The following PHF8 variants were observed in gnomAD, a reference collection of about 807,000 sequenced individuals.
PHF8 encodes the protein PHD finger protein 8.
PHF8 carries 9 observed loss-of-function variants against 74.4 expected under a neutral mutation model. The ratio of observed to expected loss-of-function variants is 0.12; its 90% CI spans 0.07 to 0.21. The LOEUF is 0.21. Ranked by LOEUF, PHF8 falls within the 10% of genes least tolerant of loss-of-function variation. The probability of loss-of-function intolerance (pLI) is 1.00; values close to 1 mark genes in which losing one functional copy is unlikely to be tolerated. For missense variants in PHF8, 478 were observed against 816.6 expected (o/e 0.59, Z 5.05); for synonymous variants, 311 against 316.6 (o/e 0.98, Z 0.19).
intron 2 of PHF8, among the ~76,000 whole-genome samples, 199 bp from the exon 3 acceptor site, chrX:54,023,042 C>T (rs1252624849): frequency 1.8e-5 from 2 of 112,224 alleles, no homozygotes; most frequent in African/African-American, 6.5e-5. Context: ...GTGGTGTGAT[C>T]ATGGCTCACT....
intron 1 of PHF8, chrX:54,043,159 T>C (rs1324807092): frequency 1.3e-6 from 1 of 778,200 alleles, no homozygotes; most frequent in Non-Finnish European, 1.5e-6. Flanking sequence ...AACCCTCCCC[T>C]AGCTGACCCC....
rs374264923 is a variant in PHF8, at chrX:53,939,171, T to C, written c.3062A>G (p.Lys1021Arg). 3 of 1,205,718 alleles carry C rather than the reference T, an allele frequency of 2.5e-6. No homozygotes were observed. The highest frequency in any genetic ancestry group is 3.4e-6 in the Non-Finnish European group (3 of 892,057). Residue 1021 changes from lysine to arginine, a missense_variant, in exon 22 of 22, where the codon AAA (lysine) becomes AGA (arginine). By Grantham distance (26) the Lys-to-Arg change is conservative. Coordinates refer to ENST00000338154, the MANE Select transcript of PHF8 (RefSeq NM_015107.3). The part of the protein sequence containing the change: ...GRILKIHRNG[K>R]LLL The stretch of plus-strand genomic sequence containing the variant: ...ACACAGGAGGGCTCACAGAAGTAGT[T>C]TGCCATTTCTGTGGATTTTCAGGAT...
chrX:54,047,334 T>G (rs2066639003), upstream of PHF8, among the ~76,000 whole-genome samples: 1 of 112,380 alleles, frequency 8.9e-6, no homozygotes, highest in Middle Eastern at 4.6e-3. Flanking sequence ...CTGAATGAAC[T>G]GGGCTACGCA....
At chrX:53,988,622 T>C (rs1336062488) in intron 14 of PHF8, among the ~76,000 whole-genome samples, 1 of 105,287 alleles carries the variant, frequency 9.5e-6, no homozygotes, top group African/African-American at 3.4e-5. Flanking sequence ...AAAAAAAAAT[T>C]TTTTTTTTTT....
chrX:54,007,611 A>C (rs2065916046), intron 8 of PHF8, among the ~76,000 whole-genome samples: 1 of 112,311 alleles, frequency 8.9e-6, no homozygotes, highest in Non-Finnish European at 1.9e-5. Flanking sequence ...TATTTCTCCA[A>C]AAAAAACTAT....
chrX:53,979,672 C>G (rs927600472), intron 18 of PHF8, among the ~76,000 whole-genome samples: 4 of 112,062 alleles, frequency 3.6e-5, no homozygotes, highest in African/African-American at 1.3e-4. Context: ...ATGTCATTCA[C>G]TGTATTAACA....
intron 18 of PHF8, among the ~76,000 whole-genome samples, chrX:53,964,033 T>C (rs1381403477): frequency 3.6e-5 from 4 of 112,048 alleles, no homozygotes; most frequent in Non-Finnish European, 7.5e-5. Context: ...GGCACACATA[T>C]ACCATGGAAT....
intron 6 of PHF8, among the ~76,000 whole-genome samples, chrX:54,015,768 CA>C (rs1244134027): frequency 9.1e-6 from 1 of 110,428 alleles, no homozygotes; most frequent in Non-Finnish European, 1.9e-5. Context: ...TTCCTAAGGG[CA>C]AAAAGATACA....
At chrX:54,009,631 T>C (rs1557106242) in intron 8 of PHF8, among the ~76,000 whole-genome samples, 1 of 105,828 alleles carries the variant, frequency 9.4e-6, no homozygotes, top group East Asian at 3.0e-4. Context: ...GATCATGAGG[T>C]CAGGAGATCA....
intron 19 of PHF8, among the ~76,000 whole-genome samples, chrX:53,953,591 C>G (rs1246243280): frequency 9.6e-6 from 1 of 104,261 alleles, no homozygotes; most frequent in Non-Finnish European, 2.0e-5. Flanking sequence ...TTGCAGTGAG[C>G]CAAGATCGCG....
intron 4 of PHF8, 113 bp from the exon 5 acceptor site, chrX:54,017,934 C>G: frequency 4.4e-6 from 3 of 675,116 alleles, no homozygotes; most frequent in Non-Finnish European, 7.0e-6. Flanking sequence ...TTAATGTGAG[C>G]TGGCAACTAA....
chrX:53,990,960 AT>A (rs782776817), intron 14 of PHF8, among the ~76,000 whole-genome samples: 3 of 111,827 alleles, frequency 2.7e-5, no homozygotes, highest in African/African-American at 9.7e-5. Flanking sequence ...AAGAACTACC[AT>A]GTATTAAGTA....
chrX:54,038,763 G>A (rs1047516423), intron 2 of PHF8, among the ~76,000 whole-genome samples: 1 of 111,445 alleles, frequency 9.0e-6, no homozygotes, highest in Non-Finnish European at 1.9e-5. Flanking sequence ...TAGTTGCCTC[G>A]CTTGTTATAA....
At chrX:53,972,042 C>G (rs782215259) in intron 18 of PHF8, among the ~76,000 whole-genome samples, 2 of 110,949 alleles carry the variant, frequency 1.8e-5, no homozygotes, top group African/African-American at 6.5e-5. Context: ...AAGAAAACTT[C>G]GGCCGGCTGC....
chrX:53,967,375 C>A (rs1557093249), intron 18 of PHF8, among the ~76,000 whole-genome samples: 1 of 105,490 alleles, frequency 9.5e-6, no homozygotes, highest in South Asian at 4.0e-4. Context: ...GGGGGGTCAG[C>A]CCCCCGCCCG....
intron 19 of PHF8, among the ~76,000 whole-genome samples, chrX:53,952,335 G>A (rs782594425): frequency 9.1e-6 from 1 of 109,361 alleles, no homozygotes; most frequent in Non-Finnish European, 1.9e-5. Context: ...GAAATGAAAG[G>A]ACACTAGACA....
chrX:53,952,887 C>CAAA (rs781901722), intron 19 of PHF8, among the ~76,000 whole-genome samples: 7 of 44,861 alleles, frequency 1.6e-4, no homozygotes, highest in African/African-American at 5.4e-4. Context: ...GACTCTGCCT[C>CAAA]AAAAAAAAAA....
chrX:53,985,363 G>T, intron 17 of PHF8, 136 bp from the exon 18 acceptor site: 1 of 555,227 alleles, frequency 1.8e-6, no homozygotes, highest in Non-Finnish European at 3.0e-6. Flanking sequence ...ATCATCCAAA[G>T]TGAAAAATTT....
intron 19 of PHF8, among the ~76,000 whole-genome samples, chrX:53,945,201 C>A (rs1557084806): frequency 9.1e-6 from 1 of 109,755 alleles, no homozygotes; most frequent in Non-Finnish European, 1.9e-5. Context: ...AAAAATTGGC[C>A]AGGCATGGTG....
Sources: gnomAD v4.1 joint callset for allele counts (sites outside exome capture counted in the v4.1 genomes callset) on GRCh38, gnomAD v4.1.1 for gene constraint, MANE v1.5 for transcripts, NCBI Gene and HGNC (gene_info 2026-07-23, HGNC 2026-07-21) for gene names.